The following SYT14 variants were observed in gnomAD, a reference collection of about 807,000 sequenced individuals.
SYT14 encodes synaptotagmin 14, also known as synaptotagmin-14.
A neutral mutation model predicts 74.2 loss-of-function variants in SYT14; 32 were observed. That is an observed-to-expected ratio of 0.43 (90% CI 0.33 to 0.58). SYT14 has a LOEUF of 0.58. SYT14 is among the 20% of genes least tolerant of loss of function. The pLI is 0.05. For synonymous variants in SYT14, 298 were observed against 337.7 expected (o/e 0.88, Z 1.29); for missense variants, 791 against 981.8 (o/e 0.81, Z 2.60).
Position 210,106,106 on chromosome 1 carries a change from A to G in SYT14, c.2034+5645A>G, listed in dbSNP as rs114201154. Among the ~76,000 whole-genome samples the G allele has an allele frequency of 1.3e-5, 2 of 152,342 alleles. 1 individual carries two copies. The highest frequency in any genetic ancestry group is 2.9e-5 in the Non-Finnish European group (2 of 68,032). ...CAGTTGCCTTCTTCTGAAAGAATCT[A>G]AGGCACCATATGTGTTGCAGATTTG... On this transcript the variant is annotated intron_variant, in intron 7 of 9. Transcript: ENST00000637265.
intron 2 of SYT14, among the ~76,000 whole-genome samples, chr1:209,995,596 A>G (rs1308270962): frequency 6.6e-6 from 1 of 152,222 alleles, no homozygotes; most frequent in African/African-American, 2.4e-5. Flanking sequence ...ACTAACAATG[A>G]AACTCCGGAC....
At chr1:210,029,201 T>C (rs776028842) in intron 5 of SYT14, among the ~76,000 whole-genome samples, 1 of 152,194 alleles carries the variant, frequency 6.6e-6, no homozygotes, top group Non-Finnish European at 1.5e-5. Context: ...TTTGCAAATA[T>C]TTTTTCCCAT....
exon 10 of SYT14, chr1:210,161,482 T>C: frequency 2.2e-6 from 1 of 454,258 alleles, no homozygotes; most frequent in South Asian, 1.6e-5. Flanking sequence ...TGTAATGTTC[T>C]TTAATATGAA....
At chr1:209,983,054 T>TA (rs2079515143) in intron 2 of SYT14, among the ~76,000 whole-genome samples, 1 of 152,070 alleles carries the variant, frequency 6.6e-6, no homozygotes, top group Non-Finnish European at 1.5e-5. Context: ...TTTTTTTTTT[T>TA]ATTGTTGAGT....
At chr1:210,111,763 G>T (rs2102582159) in intron 7 of SYT14, among the ~76,000 whole-genome samples, 1 of 151,402 alleles carries the variant, frequency 6.6e-6, no homozygotes, top group African/African-American at 2.5e-5. Flanking sequence ...GAGAAAAACA[G>T]ATATTAAAGG....
intron 5 of SYT14, among the ~76,000 whole-genome samples, chr1:210,069,861 C>T (rs1004879595): frequency 3.3e-5 from 5 of 151,046 alleles, no homozygotes; most frequent in Non-Finnish European, 5.9e-5. Flanking sequence ...CTTTCAGGAA[C>T]GTGATAGTGT....
chr1:209,982,991 C>T (rs1032220729), intron 2 of SYT14, among the ~76,000 whole-genome samples: 1 of 150,138 alleles, frequency 6.7e-6, no homozygotes, highest in Admixed American at 6.6e-5. Flanking sequence ...ATATGCTTAT[C>T]GCTTTTGGTG....
chr1:210,143,812 A>T (rs11119419), intron 7 of SYT14, among the ~76,000 whole-genome samples: 34,263 of 152,010 alleles, frequency 0.23, 9,107 homozygotes, highest in African/African-American at 0.61. Flanking sequence ...ATAACTCAAA[A>T]AAGTAAGGCA....
intron 5 of SYT14, among the ~76,000 whole-genome samples, chr1:210,071,358 TTTC>T (rs1358147047): frequency 1.8e-5 from 2 of 110,498 alleles, no homozygotes; most frequent in Non-Finnish European, 4.4e-5. Context: ...GTAATATGTG[TTTC>T]TACATTGTAA....
In SYT14 at chr1:210,077,288, G is replaced by A. The variant is rs549384394; in HGVS notation, c.1313-17034G>A. Reference sequence around the variant, plus strand: ...CACTTAAAACAACCAGGTCTCAGGAGTACTCACTCACTGTGACAAAGACAG... The same window carrying A: ...CACTTAAAACAACCAGGTCTCAGGAATACTCACTCACTGTGACAAAGACAG... On this transcript the variant is annotated intron_variant, in intron 5 of 9. Transcript: ENST00000637265. 6.6e-5 allele frequency among the ~76,000 whole-genome samples: 10 copies of A among 152,168 alleles called. No individual in the cohort carries two copies. In the South Asian group the frequency reaches 2.1e-3, roughly 32 times the overall value.
intron 2 of SYT14, among the ~76,000 whole-genome samples, chr1:209,997,661 T>G (rs1007182454): frequency 6.6e-6 from 1 of 151,972 alleles, no homozygotes; most frequent in Non-Finnish European, 1.5e-5. Flanking sequence ...GACATAAATA[T>G]GAGAACAGTG....
chr1:210,089,270 A>G (rs2081813033), intron 5 of SYT14, among the ~76,000 whole-genome samples: 1 of 152,180 alleles, frequency 6.6e-6, no homozygotes, highest in African/African-American at 2.4e-5. Context: ...TTCTTTATCC[A>G]GTCTATCATT....
chr1:210,098,699 T>A (rs888520159), intron 6 of SYT14, among the ~76,000 whole-genome samples: 1 of 151,928 alleles, frequency 6.6e-6, no homozygotes, highest in Non-Finnish European at 1.5e-5. Context: ...TTTTTTTTTT[T>A]ACACAAATTC....
intron 7 of SYT14, among the ~76,000 whole-genome samples, chr1:210,127,378 G>A (rs1195886409): frequency 6.6e-6 from 1 of 152,200 alleles, no homozygotes; most frequent in Non-Finnish European, 1.5e-5. Context: ...GTATGGCTGT[G>A]TTGGTGGTGG....
chr1:210,108,207 T>C (rs1056757215), intron 7 of SYT14, among the ~76,000 whole-genome samples: 2 of 152,134 alleles, frequency 1.3e-5, no homozygotes, highest in South Asian at 2.1e-4. Flanking sequence ...GAGTACATGA[T>C]TGTCTTGGGT....
At position 210,158,050 on chromosome 1, in the gene SYT14, A is replaced by C. The variant is rs139146504; in HGVS notation, c.2225-1371A>C. ...TTTCTTTATAGGTAAAATTAAGGTC[A>C]TGTCTCTCACAGGGCAAGTGTGAGA... On this transcript the variant is annotated intron_variant, in intron 8 of 9. Transcript: ENST00000637265. Among the ~76,000 whole-genome samples the C allele has an allele frequency of 2.2e-3, 342 of 152,312 alleles. 8 individuals carry two copies. The highest frequency in any genetic ancestry group is 0.02 in the Admixed American group (307 of 15,300).
At chr1:210,150,907 G>A (rs1479062499) in intron 7 of SYT14, among the ~76,000 whole-genome samples, 2 of 152,102 alleles carry the variant, frequency 1.3e-5, no homozygotes, top group East Asian at 3.8e-4. Flanking sequence ...TTTTCTCTAT[G>A]TATGTACAAG....
intron 2 of SYT14, among the ~76,000 whole-genome samples, chr1:210,005,364 T>C (rs747121263): frequency 2.0e-4 from 31 of 152,068 alleles, no homozygotes; most frequent in Non-Finnish European, 4.1e-4. Flanking sequence ...AATAAGCTTA[T>C]CTAAAACTGT....
chr1:210,132,740 T>A (rs1249369107), intron 7 of SYT14, among the ~76,000 whole-genome samples: 1 of 152,078 alleles, frequency 6.6e-6, no homozygotes, highest in East Asian at 1.9e-4. Context: ...CTAGATATAA[T>A]TTTTGGCCTT....
Sources: gnomAD v4.1 joint callset for allele counts (sites outside exome capture counted in the v4.1 genomes callset) on GRCh38, gnomAD v4.1.1 for gene constraint, MANE v1.5 for transcripts, NCBI Gene and HGNC (gene_info 2026-07-23, HGNC 2026-07-21) for gene names.